The following EDRF1 variants were observed in gnomAD, a reference collection of about 807,000 sequenced individuals.
EDRF1 encodes the protein erythroid differentiation-related factor 1.
Under a neutral mutation model 148.7 loss-of-function variants are expected in EDRF1, and 69 were observed. The ratio of observed to expected loss-of-function variants is 0.46; its 90% CI spans 0.38 to 0.57. The LOEUF (loss-of-function observed/expected upper bound fraction) is 0.57, where lower values mean the gene tolerates loss of function less well. Among genes scored for constraint, EDRF1 ranks in the 20% least tolerant of loss-of-function variants. EDRF1 has a pLI of 0.00. For synonymous variants in EDRF1, 515 were observed against 532.8 expected (o/e 0.97, Z 0.46); for missense variants, 1,118 against 1,478.7 (o/e 0.76, Z 4.00).
Position 125,725,829 on chromosome 10 carries a change from T to C in EDRF1, c.783T>C (p.Ala261=). The change falls in exon 6 of 25, where the codon GCT becomes GCC. Residue 261 remains alanine, a synonymous_variant. Transcript: ENST00000356792. The part of the protein sequence containing the change: ...MPSSVSEDPS[A]SSQGSEPLEP... ...CTTCAGTTTCTGAAGATCCCAGTGC[T>C]TCCAGTCAGGTTAGTACTTAAATGC... The C allele has an allele frequency of 3.1e-6, 5 of 1,613,458 alleles. No individual in the cohort carries two copies. Among genetic ancestry groups the C allele is most frequent in the Non-Finnish European group, 4.2e-6 (5 of 1,180,000 alleles).
intron 13 of EDRF1, among the ~76,000 whole-genome samples, chr10:125,737,193 G>A (rs986641465): frequency 4.6e-5 from 7 of 152,080 alleles, no homozygotes; most frequent in Admixed American, 1.3e-4. Flanking sequence ...ATGGACTTAC[G>A]GGGCAATTAG....
intron 22 of EDRF1, among the ~76,000 whole-genome samples, chr10:125,751,177 G>A (rs187709293): frequency 1.3e-5 from 2 of 152,270 alleles, no homozygotes; most frequent in East Asian, 3.9e-4. Context: ...GAGCTCAAGC[G>A]ATACTCCTGC....
At position 125,752,871 on chromosome 10, in the gene EDRF1, C is replaced by A; in HGVS notation, c.3350C>A (p.Ala1117Glu). The stretch of plus-strand genomic sequence containing the variant: ...GATATAATGGTGAGAACTGAGCACG[C>A]ATTCCAGCTTATCCAGAAGGAGCTT... ...ALDIMVRTEHAFQLIQKELIE... is the reference protein window; with the variant it reads ...ALDIMVRTEHEFQLIQKELIE... The change falls in exon 23 of 25, where the codon GCA becomes GAA. Residue 1117 changes from alanine to glutamate, a missense_variant. Physicochemically the swap from Ala to Glu is moderately radical, Grantham distance 107 (BLOSUM62 -1). Transcript: ENST00000356792. 6.2e-7 allele frequency: 1 copy of A among 1,614,038 alleles called. No individual in the cohort carries two copies. The highest frequency in any genetic ancestry group is 1.1e-5 in the South Asian group (1 of 91,082).
intron 24 of EDRF1, among the ~76,000 whole-genome samples, chr10:125,755,651 C>T (rs546789792): frequency 1.4e-4 from 21 of 152,256 alleles, no homozygotes; most frequent in South Asian, 4.1e-4. Flanking sequence ...AGTTTTTAAA[C>T]GGTGAGTTCA....
At chr10:125,727,839 A>G (rs926496806) in intron 6 of EDRF1, among the ~76,000 whole-genome samples, 1 of 152,160 alleles carries the variant, frequency 6.6e-6, no homozygotes, top group Non-Finnish European at 1.5e-5. Flanking sequence ...TACTTTCCTA[A>G]TGATTGGAAA....
At chr10:125,744,439 T>C (rs914595975) in intron 18 of EDRF1, among the ~76,000 whole-genome samples, 7 of 152,278 alleles carry the variant, frequency 4.6e-5, no homozygotes, top group African/African-American at 1.7e-4. Flanking sequence ...ACGCTTTGGC[T>C]TCCCAAAGTT....
At chr10:125,758,869 A>T (rs1432315996) in intron 24 of EDRF1, among the ~76,000 whole-genome samples, 4 of 152,072 alleles carry the variant, frequency 2.6e-5, no homozygotes, top group Middle Eastern at 3.2e-3. Context: ...GAGTCTCAGG[A>T]CTGTGGCCTT....
At position 125,763,316 on chromosome 10, in the gene EDRF1, T is replaced by G; in HGVS notation, c.3561T>G (p.Asp1187Glu). 6.2e-7 allele frequency: 1 copy of G among 1,613,208 alleles called. No individual in the cohort carries two copies. The highest frequency in any genetic ancestry group is 8.5e-7 in the Non-Finnish European group (1 of 1,180,004). ...TKKKTSNNIE[D>E]DTILKTNKHI... ...TTAACCCTAGCAATAACATCGAAGA[T>G]GACACAATTCTCAAAACCAACAAGC... The change falls in exon 25 of 25, where the codon GAT (aspartate) becomes GAG (glutamate). Residue 1187 changes from aspartate (D) to glutamate (E), a missense_variant. Around this residue, in one of 3 missense-constraint regions of EDRF1, gnomAD observed 954 missense variants for 1,241.4 expected, o/e 0.77. Transcript: ENST00000356792. This position sits in a 1 kb window ranked among gnomAD's most constrained non-coding sequence, Gnocchi z 4.3.
rs562943060 is a variant in EDRF1, at chr10:125,734,064, T to C, written c.1386-8T>C. On this transcript the variant is annotated splice_polypyrimidine_tract_variant and splice_region_variant and intron_variant, in intron 11 of 24. Coordinates refer to ENST00000356792, the MANE Select transcript of EDRF1 (RefSeq NM_001202438.2). ...GGGCAGTAAAGTTGATATAAACTCT[T>C]TTTTTAGGGTTGCTTGCAACATGAT... 53 of 1,609,322 alleles carry C rather than the reference T, an allele frequency of 3.3e-5. No homozygotes were observed. The South Asian group carries it at 5.4e-4, about 16-fold the overall frequency.
chr10:125,747,208 CTG>C (rs1450028136), intron 19 of EDRF1: 2 of 265,574 alleles, frequency 7.5e-6, no homozygotes, highest in Admixed American at 1.0e-4. Flanking sequence ...GTTATATAAA[CTG>C]TAATTTTCAT....
chr10:125,750,518 T>G (rs1849587206), intron 22 of EDRF1: 1 of 152,244 alleles, frequency 6.6e-6, no homozygotes, highest in Non-Finnish European at 1.5e-5. Flanking sequence ...TTATTTGAAG[T>G]GCAGCAGTTC....
At position 125,729,421 on chromosome 10, in the gene EDRF1, G is replaced by A; in HGVS notation, c.958G>A (p.Gly320Ser). 6.2e-7 allele frequency: 1 copy of A among 1,613,620 alleles called. No homozygotes were observed. Residue 320 changes from glycine (G) to serine (S), a missense_variant, in exon 8 of 25, where the codon GGC becomes AGC. Around this residue, in one of 3 missense-constraint regions of EDRF1, gnomAD observed 954 missense variants for 1,241.4 expected, o/e 0.77. Transcript: ENST00000356792. ...WTFEDIHMLV[G>S]SNMPIFGGGR... is the part of the protein sequence containing the mutation. ...ATTTGAAGATATCCATATGTTGGTC[G>A]GCTCCAACATGCCCATATTTGGAGG...
At chr10:125,753,168 T>A (rs1184230696) in intron 23 of EDRF1, among the ~76,000 whole-genome samples, 1 of 152,252 alleles carries the variant, frequency 6.6e-6, no homozygotes, top group Non-Finnish European at 1.5e-5. Flanking sequence ...TTATAAAGTC[T>A]CTTAAGTTTT....
intron 23 of EDRF1, 108 bp downstream of exon 23, chr10:125,753,022 T>C: frequency 1.3e-6 from 1 of 769,782 alleles, no homozygotes; most frequent in Non-Finnish European, 2.3e-6. Context: ...TACACACATG[T>C]ACATATGTAT....
Position 125,734,108 on chromosome 10 carries a change from T to C in EDRF1, c.1422T>C (p.Asn474=), listed in dbSNP as rs1458899893. Reference sequence around the variant, plus strand: ...ACATGATGATGAAGAAGAATCAAAATAAGAAACACTATGGAACTATTAGAA... The same window carrying C: ...ACATGATGATGAAGAAGAATCAAAACAAGAAACACTATGGAACTATTAGAA... ...ACNMMMKKNQ[N]KKHYGTIRTL... Residue 474 remains asparagine (N), a synonymous_variant, in exon 12 of 25, where the codon AAT becomes AAC. Coordinates refer to ENST00000356792, the MANE Select transcript of EDRF1 (RefSeq NM_001202438.2). The C allele has an allele frequency of 1.9e-6, 3 of 1,613,168 alleles. No individual in the cohort carries two copies. The highest frequency in any genetic ancestry group is 2.5e-6 in the Non-Finnish European group (3 of 1,179,350).
intron 21 of EDRF1, 86 bp from the exon 22 acceptor site, chr10:125,749,326 G>T: frequency 6.7e-7 from 1 of 1,499,074 alleles, no homozygotes; most frequent in Non-Finnish European, 9.3e-7. Flanking sequence ...AAGACCCACA[G>T]TGGGGGAAAA....
intron 19 of EDRF1, 126 bp from the exon 20 acceptor site, chr10:125,747,410 G>A: frequency 1.9e-6 from 2 of 1,076,482 alleles, no homozygotes; most frequent in Admixed American, 1.9e-5. Context: ...TCATAATATT[G>A]TCTCTTTATA....
rs955631835 is a variant in EDRF1 at position 125,735,958 on chromosome 10, C to T, written c.1758+54C>T. Reference sequence around the variant, plus strand: ...TTATCAAGGAAACATAATTGTTAATCGAATATAGTTAGCCTTTCAAAAGAT... The same window carrying T: ...TTATCAAGGAAACATAATTGTTAATTGAATATAGTTAGCCTTTCAAAAGAT... On this transcript the variant is annotated intron_variant, in intron 13 of 24. Transcript: ENST00000356792. The T allele has an allele frequency of 3.0e-5, 45 of 1,479,644 alleles. No homozygotes were observed. The East Asian group carries it at 3.2e-4, about 10-fold the overall frequency. The allele number at this position is 1,479,644 out of a possible 1,614,324, so 91.7% of individuals were successfully genotyped here.
intron 2 of EDRF1, among the ~76,000 whole-genome samples, chr10:125,722,457 C>G (rs185030929): frequency 1.3e-5 from 2 of 152,308 alleles, no homozygotes; most frequent in East Asian, 3.9e-4. Flanking sequence ...TGTCCTGACT[C>G]TGCCATTTAG....
Sources: gnomAD v4.1 joint callset for allele counts (sites outside exome capture counted in the v4.1 genomes callset) on GRCh38, gnomAD v4.1.1 for gene constraint, gnomAD v4.1.1 regional missense constraint, Gnocchi (gnomAD v3.1) non-coding constraint, MANE v1.5 for transcripts, NCBI Gene and HGNC (gene_info 2026-07-23, HGNC 2026-07-21) for gene names.